NRG3: variants seen among roughly 807,000 people sequenced by gnomAD.
The protein encoded by NRG3 is neuregulin 3.
NRG3 carries 31 observed loss-of-function variants against 66.9 expected under a neutral mutation model. The observed-to-expected ratio is 0.46, with a 90% CI of 0.35 to 0.63. The LOEUF (loss-of-function observed/expected upper bound fraction) is 0.63. Ranked by LOEUF, NRG3 falls within the 20% of genes least tolerant of loss-of-function variation. NRG3 has a pLI of 0.00. For missense variants in NRG3, 910 were observed against 878.9 expected, an observed-to-expected ratio of 1.04 and a Z score of -0.45; for synonymous variants, 393 against 359.4, an observed-to-expected ratio of 1.09 and a Z score of -1.06.
At chr10:82,496,328 G>A (rs559777031) in intron 2 of NRG3, among the ~76,000 whole-genome samples, 62 of 152,282 alleles carry the variant, frequency 4.1e-4, no homozygotes, top group Non-Finnish European at 5.7e-4. Flanking sequence ...CATAAGCCTA[G>A]TAATAACACC....
At chr10:82,775,110 G>A (rs577581253) in intron 3 of NRG3, among the ~76,000 whole-genome samples, 5 of 151,774 alleles carry the variant, frequency 3.3e-5, no homozygotes, top group Non-Finnish European at 7.4e-5. Context: ...ATAGGTGTGA[G>A]CCACCGTGCC....
At chr10:82,915,628 C>A (rs1845759596) in intron 4 of NRG3, among the ~76,000 whole-genome samples, 2 of 140,192 alleles carry the variant, frequency 1.4e-5, no homozygotes, top group Admixed American at 7.7e-5. Flanking sequence ...TTTTGCACTT[C>A]AAAGTAAAAA....
At chr10:82,700,197 C>T (rs559951410) in intron 2 of NRG3, among the ~76,000 whole-genome samples, 1 of 152,178 alleles carries the variant, frequency 6.6e-6, no homozygotes, top group African/African-American at 2.4e-5. Flanking sequence ...ATGGATTCAT[C>T]TAGGTTACAT....
At chr10:82,672,332 G>A (rs1323269879) in intron 2 of NRG3, among the ~76,000 whole-genome samples, 3 of 152,184 alleles carry the variant, frequency 2.0e-5, no homozygotes, top group Admixed American at 6.5e-5. Flanking sequence ...GGAGACTGGA[G>A]AGGAGGAAGG....
chr10:82,475,834 TA>T (rs1414230627), intron 2 of NRG3, among the ~76,000 whole-genome samples: 2 of 151,998 alleles, frequency 1.3e-5, no homozygotes. Context: ...ACAAGAAACA[TA>T]AATTGAACTA....
chr10:82,377,507 G>A (rs1182833880), intron 2 of NRG3, among the ~76,000 whole-genome samples: 1 of 151,990 alleles, frequency 6.6e-6, no homozygotes, highest in Non-Finnish European at 1.5e-5. Flanking sequence ...AAGGGATAAC[G>A]TAACATAATA....
At chr10:82,696,495 G>GA (rs888158749) in intron 2 of NRG3, among the ~76,000 whole-genome samples, 12 of 150,360 alleles carry the variant, frequency 8.0e-5, no homozygotes, top group South Asian at 2.1e-4. Flanking sequence ...ATGGTTAAGG[G>GA]AAAAAAAAAT....
chr10:81,984,281 A>G (rs2060440467), intron 1 of NRG3, among the ~76,000 whole-genome samples: 1 of 152,228 alleles, frequency 6.6e-6, no homozygotes, highest in African/African-American at 2.4e-5. Context: ...TAATAGAATC[A>G]CATTAATAAT....
In NRG3 at chr10:82,477,644, G is replaced by GT. The variant is rs1460528276; in HGVS notation, c.953+118782dup. Among the ~76,000 whole-genome samples, 4 of 152,132 alleles carry GT rather than the reference G, an allele frequency of 2.6e-5. No homozygotes were observed. In the East Asian group the frequency reaches 7.7e-4, roughly 29 times the overall value. ...TTACTGGGCCTTGTGGAACCTTGAT[G>GT]TTTTTTAGCAGGCAAGAGATGAGAA... On this transcript the variant is annotated intron_variant, in intron 2 of 8. Transcript: ENST00000372141.
chr10:82,740,306 T>C (rs1259467092), intron 3 of NRG3, among the ~76,000 whole-genome samples: 1 of 151,592 alleles, frequency 6.6e-6, no homozygotes, highest in Non-Finnish European at 1.5e-5. Context: ...AGCTATTCAG[T>C]ACAGGTTACA....
At position 82,297,578 on chromosome 10, in the gene NRG3, A is replaced by C. The variant is rs148719872; in HGVS notation, c.824-61161A>C. Among the ~76,000 whole-genome samples the C allele has an allele frequency of 4.7e-3, 716 of 152,266 alleles. 6 individuals carry two copies. The highest frequency in any genetic ancestry group is 0.017 in the African/African-American group (686 of 41,542). ...TAGCTCCCCGATTCTGACTAAATTC[A>C]CCCATAAGAAAGCCCCTAAAGTTTT... On this transcript the variant is annotated intron_variant, in intron 1 of 8. Coordinates refer to ENST00000372141, the MANE Select transcript of NRG3 (RefSeq NM_001010848.4).
chr10:82,344,889 C>A (rs1311135287), intron 1 of NRG3, among the ~76,000 whole-genome samples: 5 of 117,912 alleles, frequency 4.2e-5, no homozygotes, highest in Non-Finnish European at 7.8e-5. Context: ...TCATGTCCTT[C>A]GCCCACTTTT....
intron 6 of NRG3, among the ~76,000 whole-genome samples, chr10:82,968,998 A>C (rs1354437229): frequency 6.6e-6 from 1 of 152,176 alleles, no homozygotes; most frequent in African/African-American, 2.4e-5. Context: ...CATGAGACTT[A>C]TTCACTACCA....
At chr10:82,354,014 CT>C (rs869307444) in intron 1 of NRG3, among the ~76,000 whole-genome samples, 2,984 of 112,574 alleles carry the variant, frequency 0.027, 16 homozygotes, top group Admixed American at 0.05. Flanking sequence ...CACTATAACA[CT>C]TTTTTTTTTT....
chr10:82,452,239 A>T (rs2091049069), intron 2 of NRG3, among the ~76,000 whole-genome samples: 1 of 152,208 alleles, frequency 6.6e-6, no homozygotes, highest in Admixed American at 6.5e-5. Flanking sequence ...TGTTAGACAC[A>T]ATTCTGTTTA....
Position 82,654,295 on chromosome 10 carries a change from T to A in NRG3, c.954-84282T>A, listed in dbSNP as rs545929503. Among the ~76,000 whole-genome samples the A allele has an allele frequency of 3.9e-5, 6 of 152,286 alleles. No individual in the cohort carries two copies. In the East Asian group the frequency reaches 1.2e-3, roughly 29 times the overall value. ...GCAGGTAGTTAAGATTCCATGCAAATCATTTTAAAATAAAGAGGGTTGTGT... is the reference window on the plus strand; with the variant it reads ...GCAGGTAGTTAAGATTCCATGCAAAACATTTTAAAATAAAGAGGGTTGTGT... On this transcript the variant is annotated intron_variant, in intron 2 of 8. Coordinates refer to ENST00000372141, the MANE Select transcript of NRG3 (RefSeq NM_001010848.4).
chr10:82,007,780 A>G (rs541454408), intron 1 of NRG3, among the ~76,000 whole-genome samples: 28 of 152,316 alleles, frequency 1.8e-4, no homozygotes, highest in African/African-American at 5.5e-4. Flanking sequence ...TCATGGGCCT[A>G]TTTATGAAAC....
At chr10:82,960,795 C>G (rs536228645) in intron 6 of NRG3, among the ~76,000 whole-genome samples, 2 of 152,238 alleles carry the variant, frequency 1.3e-5, no homozygotes, top group South Asian at 4.1e-4. Context: ...CCCCACTGAG[C>G]ACCTTGTGAC....
intron 1 of NRG3, among the ~76,000 whole-genome samples, chr10:82,045,475 T>C (rs2063237878): frequency 1.5e-5 from 1 of 64,956 alleles, no homozygotes; most frequent in African/African-American, 4.0e-5. Flanking sequence ...TAGCCCTTTG[T>C]CAGATGAGTA....
Sources: allele counts gnomAD v4.1 joint callset (sites outside exome capture counted in the v4.1 genomes callset), GRCh38; gene constraint gnomAD v4.1.1; transcripts MANE v1.5; gene names NCBI Gene and HGNC (gene_info 2026-07-23, HGNC 2026-07-21).